The following EML5 variants were observed in gnomAD, a reference collection of about 807,000 sequenced individuals.
EML5 encodes EMAP like 5.
In EML5, 120 loss-of-function variants were observed where a neutral mutation model predicts 250.0. That is an observed-to-expected ratio of 0.48 (90% CI 0.41 to 0.56). The LOEUF (loss-of-function observed/expected upper bound fraction) is 0.56. EML5 is among the 20% of genes least tolerant of loss of function. The pLI, the probability that EML5 is intolerant of heterozygous loss-of-function variation, is 0.00. For synonymous variants in EML5, 771 were observed against 806.5 expected, an observed-to-expected ratio of 0.96 and a Z score of 0.75; for missense variants, 2,006 against 2,437.6, an observed-to-expected ratio of 0.82 and a Z score of 3.73.
chr14:88,715,527 T>C (rs1312616066), intron 8 of EML5, among the ~76,000 whole-genome samples: 2 of 152,182 alleles, frequency 1.3e-5, no homozygotes, highest in East Asian at 1.9e-4. Flanking sequence ...TCTTTGTAAA[T>C]ATGGAGTTTA....
chr14:88,674,926 G>C (rs868864966), intron 21 of EML5, among the ~76,000 whole-genome samples: 2 of 152,224 alleles, frequency 1.3e-5, no homozygotes, highest in Non-Finnish European at 2.9e-5. Context: ...AGGACAGTCA[G>C]ATCTTAAAGT....
At chr14:88,674,155 G>A (rs554241378) in intron 21 of EML5, among the ~76,000 whole-genome samples, 1 of 152,256 alleles carries the variant, frequency 6.6e-6, no homozygotes, top group East Asian at 1.9e-4. Context: ...TGTAATCTCA[G>A]CTACTCAGGA....
chr14:88,681,021 T>C (rs1232078733), intron 21 of EML5, among the ~76,000 whole-genome samples: 1 of 152,092 alleles, frequency 6.6e-6, no homozygotes, highest in Non-Finnish European at 1.5e-5. Flanking sequence ...TTATCTGAAA[T>C]GGGTAGTTAA....
rs568469150 is a variant in EML5, at chr14:88,743,161, T to C, written c.525+862A>G. 2.0e-5 allele frequency among the ~76,000 whole-genome samples: 3 copies of C among 152,136 alleles called. No homozygotes were observed. In the South Asian group the frequency reaches 6.2e-4, roughly 32 times the overall value. On this transcript the variant is annotated intron_variant, in intron 4 of 43. Coordinates refer to ENST00000554922, the MANE Select transcript of EML5 (RefSeq NM_183387.3). ...GGACAAGGAGAGATTTGTTAAAGGA[T>C]ACAAAATTGTAACTAGAGAGGAGGA...
chr14:88,663,997 G>A (rs2092222642), intron 23 of EML5, among the ~76,000 whole-genome samples: 1 of 151,930 alleles, frequency 6.6e-6, no homozygotes, highest in Admixed American at 6.6e-5. Flanking sequence ...AAAAGTGTAG[G>A]TTGGGTGCAG....
intron 10 of EML5, among the ~76,000 whole-genome samples, chr14:88,711,532 TTCAC>T (rs2093407898): frequency 6.6e-6 from 1 of 151,552 alleles, no homozygotes; most frequent in African/African-American, 2.4e-5. Context: ...CTCGTGAGAA[TTCAC>T]TCACTATCAC....
chr14:88,710,739 C>CA (rs146000327), intron 10 of EML5, among the ~76,000 whole-genome samples: 3,026 of 152,078 alleles, frequency 0.02, 97 homozygotes, highest in African/African-American at 0.066. Context: ...AAATTACTAA[C>CA]AAAAAAGCTA....
At chr14:88,619,107 T>C in intron 39 of EML5, 1 of 201,526 alleles carries the variant, frequency 5.0e-6, no homozygotes. Flanking sequence ...GGCTCACACC[T>C]ATAATCCCAG....
chr14:88,715,464 A>G (rs17260408), intron 8 of EML5, among the ~76,000 whole-genome samples: 34,927 of 152,074 alleles, frequency 0.23, 4,229 homozygotes, highest in East Asian at 0.37. Context: ...AAATTTCTGG[A>G]GTTAATAAAG....
rs2093026241 is a variant in EML5 at position 88,694,240 on chromosome 14, G to A, written c.2539+67C>T. 6 of 1,137,966 alleles carry A rather than the reference G, an allele frequency of 5.3e-6. No individual in the cohort carries two copies. In the Admixed American group the frequency reaches 1.1e-4, roughly 20 times the overall value. 70.5% of individuals were successfully genotyped at this position (1,137,966 alleles called of 1,614,324 possible). ...CAGTCTAGGGTACACACTGCACTTA[G>A]CTAAATTACTTTCAAAAGCAATAAT... On this transcript the variant is annotated intron_variant, in intron 17 of 43. Transcript: ENST00000554922.
intron 17 of EML5, among the ~76,000 whole-genome samples, chr14:88,689,338 C>T (rs1159560407): frequency 6.6e-6 from 1 of 152,198 alleles, no homozygotes; most frequent in Non-Finnish European, 1.5e-5. Flanking sequence ...CCAATGTACA[C>T]TCCTACGAAC....
intron 1 of EML5, among the ~76,000 whole-genome samples, chr14:88,784,919 T>C (rs1286524911): frequency 6.6e-6 from 1 of 152,160 alleles, no homozygotes; most frequent in African/African-American, 2.4e-5. Flanking sequence ...CTGTTCACAA[T>C]AGCTAAGATT....
chr14:88,744,009 G>C lies in EML5; in HGVS notation c.525+14C>G, dbSNP rs2093966873. On this transcript the variant is annotated intron_variant, in intron 4 of 43. Transcript: ENST00000554922. ...ACTAAACGTGACTATTATAAAACAAGACCCTTCTAGTACCTTGATATGTTT... is the reference window on the plus strand; with the variant it reads ...ACTAAACGTGACTATTATAAAACAACACCCTTCTAGTACCTTGATATGTTT... 2.0e-6 allele frequency: 3 copies of C among 1,528,178 alleles called. No homozygotes were observed. The highest frequency in any genetic ancestry group is 2.7e-6 in the Non-Finnish European group (3 of 1,128,278). The allele number at this position is 1,528,178 out of a possible 1,614,324, so 94.7% of individuals were successfully genotyped here. A position where few individuals can be genotyped will look rare whatever the true frequency, so the allele number is the denominator to read the frequency against.
At chr14:88,766,992 C>A (rs1466239184) in intron 1 of EML5, among the ~76,000 whole-genome samples, 1 of 152,182 alleles carries the variant, frequency 6.6e-6, no homozygotes, top group Admixed American at 6.6e-5. Context: ...CTGGGGCTGA[C>A]AACTGTTGTC....
chr14:88,780,827 C>G (rs1194358970), intron 1 of EML5, among the ~76,000 whole-genome samples: 1 of 152,164 alleles, frequency 6.6e-6, no homozygotes, highest in East Asian at 1.9e-4. Flanking sequence ...TCTGCCTTGT[C>G]CTCCCAAAGT....
intron 30 of EML5, among the ~76,000 whole-genome samples, chr14:88,643,659 A>G (rs2091193821): frequency 6.6e-6 from 1 of 152,230 alleles, no homozygotes; most frequent in Non-Finnish European, 1.5e-5. Context: ...TAATCAAAGT[A>G]TCTGACCTAC....
At chr14:88,724,102 C>G (rs1378744481) in intron 8 of EML5, among the ~76,000 whole-genome samples, 1 of 120,846 alleles carries the variant, frequency 8.3e-6, no homozygotes, top group Admixed American at 9.0e-5. Flanking sequence ...AACCCCATCT[C>G]TACTAAAAAT....
intron 1 of EML5, among the ~76,000 whole-genome samples, chr14:88,784,357 TG>T (rs1049626802): frequency 5.3e-5 from 8 of 151,716 alleles, no homozygotes; most frequent in Admixed American, 6.6e-5. Flanking sequence ...AACAAAAAGT[TG>T]TTTTTTTTTA....
At chr14:88,633,234 C>T (rs537730664) in intron 33 of EML5, among the ~76,000 whole-genome samples, 3 of 152,254 alleles carry the variant, frequency 2.0e-5, no homozygotes, top group South Asian at 4.1e-4. Flanking sequence ...TTGTTTTTAA[C>T]ACATTTCTTG....
Sources: gnomAD v4.1 joint callset for allele counts (sites outside exome capture counted in the v4.1 genomes callset) on GRCh38, gnomAD v4.1.1 for gene constraint, MANE v1.5 for transcripts, NCBI Gene and HGNC (gene_info 2026-07-23, HGNC 2026-07-21) for gene names.